The following PRPF8 variants were observed in gnomAD, a reference collection of about 807,000 sequenced individuals.
PRPF8 encodes the protein pre-mRNA-processing-splicing factor 8.
A neutral mutation model predicts 285.9 loss-of-function variants in PRPF8; 64 were observed. The ratio of observed to expected loss-of-function variants is 0.22; its 90% CI spans 0.18 to 0.28. The LOEUF is 0.28. PRPF8 is among the 10% of genes least tolerant of loss of function. PRPF8 has a pLI of 1.00. For missense variants in PRPF8, 1,426 were observed against 3,026.7 expected (o/e 0.47, Z 12.41); for synonymous variants, 1,325 against 1,118.2 (o/e 1.18, Z -3.69).
rs2151128174 is a variant in PRPF8, at chr17:1,676,523, C to A, written c.2370G>T (p.Arg790=). The A allele has an allele frequency of 6.2e-7, 1 of 1,614,160 alleles. No homozygotes were observed. The highest frequency in any genetic ancestry group is 1.3e-5 in the African/African-American group (1 of 75,046). The change falls in exon 16 of 43, where the codon CGG becomes CGT. Residue 790 remains arginine (R), a synonymous_variant. Transcript: ENST00000304992. This position sits in a 1 kb window ranked among gnomAD's most constrained non-coding sequence, Gnocchi z 6.3. ...TRLYLKAEQE[R]QHNYLKDGPY... is the part of the protein sequence containing the mutation. Reference sequence around the variant, plus strand: ...GCCCAACCTTCAGGTAGTTGTGCTGCCGCTCCTGTTCTGCCTTCAGATAGA... The same window carrying A: ...GCCCAACCTTCAGGTAGTTGTGCTGACGCTCCTGTTCTGCCTTCAGATAGA...
chr17:1,665,746 T>C (rs1911938839), intron 24 of PRPF8, among the ~76,000 whole-genome samples: 1 of 148,438 alleles, frequency 6.7e-6, no homozygotes, highest in Non-Finnish European at 1.5e-5. Flanking sequence ...CTCGGGAGAC[T>C]GAGGCAGGAG....
chr17:1,650,795 G>C lies in PRPF8; in HGVS notation c.*7C>G, dbSNP rs1240535903. On this transcript the variant is annotated 3_prime_UTR_variant, in exon 43 of 43. Coordinates refer to ENST00000304992, the MANE Select transcript of PRPF8 (RefSeq NM_006445.4). ...TCGGGAGGCTGAAGCAGGAGGCAGG[G>C]AAACGGTCAGGCATACAGGTCCTCC... 1.9e-6 allele frequency: 3 copies of C among 1,613,802 alleles called. No homozygotes were observed. In the South Asian group the frequency reaches 3.3e-5, roughly 18 times the overall value.
rs1912553788 is a variant in PRPF8, at chr17:1,675,333, T to C, written c.2879A>G (p.Asn960Ser). 1.2e-6 allele frequency: 2 copies of C among 1,614,178 alleles called. No individual in the cohort carries two copies. Among genetic ancestry groups the C allele is most frequent in the Non-Finnish European group, 1.7e-6 (2 of 1,180,044 alleles). Residue 960 changes from asparagine (N) to serine (S), a missense_variant, in exon 20 of 43, where the codon AAT becomes AGT. This residue lies in a region of PRPF8 where 37 missense variants were observed against 43.4 expected (regional missense o/e 0.85). Coordinates refer to ENST00000304992, the MANE Select transcript of PRPF8 (RefSeq NM_006445.4). This position sits in a 1 kb window ranked among gnomAD's most constrained non-coding sequence, Gnocchi z 6.0. ...CGTCTCCCACACGTCCTGCAGGTTA[T>C]TGATGCCTGAGGAGTAGCAAGGCAG... ...LLVYKWCQGINNLQDVWETSE... is the reference protein window; with the variant it reads ...LLVYKWCQGISNLQDVWETSE...
At chr17:1,654,860 G>A (rs62088054) in intron 37 of PRPF8, 4,704 of 173,570 alleles carry the variant, frequency 0.027, 91 homozygotes, top group Non-Finnish European at 0.039. Flanking sequence ...TTCAACTCCT[G>A]GCTCATGCAA....
At position 1,679,264 on chromosome 17, in the gene PRPF8, C is replaced by G; in HGVS notation, c.1409+27G>C. ...CTACTGATATCTCTGGAACAGAAGT[C>G]TGCGCAGGGCCCCTGGGGCACCTTA... On this transcript the variant is annotated intron_variant, in intron 10 of 42. Transcript: ENST00000304992. The surrounding 1 kb of genome is among the most constrained non-coding windows in gnomAD (Gnocchi z 4.7). 3.7e-6 allele frequency: 6 copies of G among 1,614,168 alleles called. No individual in the cohort carries two copies. The highest frequency in any genetic ancestry group is 5.1e-6 in the Non-Finnish European group (6 of 1,180,034).
At chr17:1,674,200 T>C (rs1299694107) in intron 21 of PRPF8, among the ~76,000 whole-genome samples, 3 of 152,102 alleles carry the variant, frequency 2.0e-5, no homozygotes, top group Admixed American at 2.0e-4. Flanking sequence ...TTTTTTGTAT[T>C]TTTAGTAGAG....
At chr17:1,665,403 T>C (rs958374490) in intron 24 of PRPF8, among the ~76,000 whole-genome samples, 1 of 151,292 alleles carries the variant, frequency 6.6e-6, no homozygotes, top group Admixed American at 6.6e-5. Context: ...CTGAGCATGG[T>C]GGCAGGCGAC....
chr17:1,653,189 C>T lies in PRPF8; in HGVS notation c.6369+353G>A. ...CCCTGACCTCAGGTGATCCACCCAC[C>T]TAGGCCTCCCAAAGTGCTGGGATTA... is the stretch of plus-strand genomic sequence containing the variant. On this transcript the variant is annotated intron_variant, in intron 39 of 42. Transcript: ENST00000304992. The surrounding 1 kb of genome is among the most constrained non-coding windows in gnomAD (Gnocchi z 4.9). 4.8e-6 allele frequency: 2 copies of T among 412,768 alleles called. No homozygotes were observed. Among genetic ancestry groups the T allele is most frequent in the Non-Finnish European group, 9.1e-6 (2 of 218,644 alleles). The allele number at this position is 412,768 out of a possible 1,614,324, so 25.6% of individuals were successfully genotyped here.
chr17:1,664,372 G>A (rs1478029366), intron 24 of PRPF8, among the ~76,000 whole-genome samples: 1 of 152,136 alleles, frequency 6.6e-6, no homozygotes, highest in Non-Finnish European at 1.5e-5. Flanking sequence ...TAAGGATATA[G>A]AAGACTTAAG....
chr17:1,650,982 G>A (rs781270941), intron 42 of PRPF8, 26 bp from the exon 43 acceptor site: 31 of 1,614,174 alleles, frequency 1.9e-5, no homozygotes, highest in Non-Finnish European at 2.5e-5. Context: ...AACAGCCAAT[G>A]TTAACAGGGC....
Position 1,651,013 on chromosome 17 carries a change from G to A in PRPF8, c.6854-57C>T, listed in dbSNP as rs534313103. The A allele has an allele frequency of 5.7e-5, 92 of 1,613,908 alleles. No homozygotes were observed. In the African/African-American group the frequency reaches 9.3e-4, roughly 16 times the overall value. ...AGGGCTCCTGCCTCATGCAGCCTGC[G>A]CCACCTCCAAGCCAGCCAGGCCCCA... On this transcript the variant is annotated intron_variant, in intron 42 of 42. Transcript: ENST00000304992. This position sits in a 1 kb window ranked among gnomAD's most constrained non-coding sequence, Gnocchi z 5.1.
At position 1,675,492 on chromosome 17, in the gene PRPF8, AC is replaced by A. The variant is rs565796117; in HGVS notation, c.2872+127del. 4.9e-5 allele frequency: 71 copies of A among 1,454,178 alleles called. No homozygotes were observed. Among genetic ancestry groups the A allele is most frequent in the Non-Finnish European group, 6.4e-5 (67 of 1,038,970 alleles). 90.1% of individuals were successfully genotyped at this position (1,454,178 alleles called of 1,614,324 possible). A position where few individuals can be genotyped will look rare whatever the true frequency, so the allele number is the denominator to read the frequency against. On this transcript the variant is annotated intron_variant, in intron 19 of 42. Coordinates refer to ENST00000304992, the MANE Select transcript of PRPF8 (RefSeq NM_006445.4). This position sits in a 1 kb window ranked among gnomAD's most constrained non-coding sequence, Gnocchi z 6.0. Reference sequence around the variant, plus strand: ...ACTATGGGCTTTTCCTCAGTTTAACACGAACACTACTTCCCTTTACTACCAC... The same window carrying A: ...ACTATGGGCTTTTCCTCAGTTTAACAGAACACTACTTCCCTTTACTACCAC...
At chr17:1,683,442 T>G in intron 3 of PRPF8, 91 bp downstream of exon 3, 33 of 1,383,392 alleles carry the variant, frequency 2.4e-5, no homozygotes, top group South Asian at 3.5e-5. Context: ...TCCACCAAGA[T>G]GAGCTGTCAA....
chr17:1,668,920 C>G (rs1358565850), intron 24 of PRPF8, among the ~76,000 whole-genome samples: 1 of 152,102 alleles, frequency 6.6e-6, no homozygotes, highest in Non-Finnish European at 1.5e-5. Context: ...TCACTATGCA[C>G]AACTCTTTCC....
At position 1,651,697 on chromosome 17, in the gene PRPF8, T is replaced by C. The variant is rs1911081044; in HGVS notation, c.6461A>G (p.His2154Arg). Residue 2154 changes from histidine to arginine, a missense_variant, in exon 40 of 43, where the codon CAC becomes CGC. Physicochemically the swap from His to Arg is conservative, Grantham distance 29. Transcript: ENST00000304992. The surrounding 1 kb of genome is among the most constrained non-coding windows in gnomAD (Gnocchi z 5.1). ...CTGGCCAGGCAGGTGCACGGTCTGGTGAGTGCCCCACTGCGGCACCATCAC... is the reference window on the plus strand; with the variant it reads ...CTGGCCAGGCAGGTGCACGGTCTGGCGAGTGCCCCACTGCGGCACCATCAC... ...CIVMVPQWGT[H>R]QTVHLPGQLP... The C allele has an allele frequency of 6.2e-7, 1 of 1,614,154 alleles. No homozygotes were observed. The highest frequency in any genetic ancestry group is 1.7e-5 in the Admixed American group (1 of 60,020).
Position 1,659,278 on chromosome 17 carries a change from G to A in PRPF8, c.5138+79C>T, listed in dbSNP as rs1033879547. On this transcript the variant is annotated intron_variant, in intron 32 of 42. Transcript: ENST00000304992. This position sits in a 1 kb window ranked among gnomAD's most constrained non-coding sequence, Gnocchi z 5.1. ...TGAGCTCAGACAATCTGCCCACCGCGGCCTCCCAAAGTGCTGGGATTACAG... is the reference window on the plus strand; with the variant it reads ...TGAGCTCAGACAATCTGCCCACCGCAGCCTCCCAAAGTGCTGGGATTACAG... 8.5e-5 allele frequency: 129 copies of A among 1,511,302 alleles called. No individual in the cohort carries two copies. Among genetic ancestry groups the A allele is most frequent in the East Asian group, 7.2e-4 (32 of 44,406 alleles). The allele number at this position is 1,511,302 out of a possible 1,614,324, so 93.6% of individuals were successfully genotyped here. A position where few individuals can be genotyped will look rare whatever the true frequency, so the allele number is the denominator to read the frequency against.
chr17:1,682,108 C>G, intron 4 of PRPF8, 21 bp downstream of exon 4: 1 of 1,613,886 alleles, frequency 6.2e-7, no homozygotes, highest in Non-Finnish European at 8.5e-7. Context: ...CCACCACCCA[C>G]CATATTTCAG....
chr17:1,653,765 G>C lies in PRPF8; in HGVS notation c.6227+12C>G. The C allele has an allele frequency of 6.2e-7, 1 of 1,614,068 alleles. No individual in the cohort carries two copies. ...CCGGCCTTTCCATCCCCACCCTCTT[G>C]CCCGACAGTACCTGACCCTCCACTC... On this transcript the variant is annotated intron_variant, in intron 38 of 42. Coordinates refer to ENST00000304992, the MANE Select transcript of PRPF8 (RefSeq NM_006445.4). The surrounding 1 kb of genome is among the most constrained non-coding windows in gnomAD (Gnocchi z 4.9).
At position 1,676,758 on chromosome 17, in the gene PRPF8, G is replaced by A. The variant is rs1912621055; in HGVS notation, c.2182-47C>T. 1.3e-6 allele frequency: 2 copies of A among 1,598,808 alleles called. No homozygotes were observed. Among genetic ancestry groups the A allele is most frequent in the South Asian group, 1.1e-5 (1 of 90,806 alleles). ...TCAAGCCAGGATCCAGCCAGGCACTGTGGCACACATCTGTAGTCCCGGCTA... is the reference window on the plus strand; with the variant it reads ...TCAAGCCAGGATCCAGCCAGGCACTATGGCACACATCTGTAGTCCCGGCTA... On this transcript the variant is annotated intron_variant, in intron 15 of 42. Coordinates refer to ENST00000304992, the MANE Select transcript of PRPF8 (RefSeq NM_006445.4). The surrounding 1 kb of genome is among the most constrained non-coding windows in gnomAD (Gnocchi z 6.3).
Sources: gnomAD v4.1 joint callset for allele counts (sites outside exome capture counted in the v4.1 genomes callset) on GRCh38, gnomAD v4.1.1 for gene constraint, gnomAD v4.1.1 regional missense constraint, Gnocchi (gnomAD v3.1) non-coding constraint, MANE v1.5 for transcripts, NCBI Gene and HGNC (gene_info 2026-07-23, HGNC 2026-07-21) for gene names.